Variants in PLA2G6 observed in about 807,000 individuals in gnomAD.
The protein encoded by PLA2G6 is 85/88 kDa calcium-independent phospholipase A2.
Under a neutral mutation model 83.8 loss-of-function variants are expected in PLA2G6, and 62 were observed. The observed-to-expected ratio is 0.74, with a 90% CI of 0.60 to 0.91. The LOEUF (loss-of-function observed/expected upper bound fraction) is 0.91, where lower values mean the gene tolerates loss of function less well. Ranked by LOEUF, PLA2G6 falls within the 40% of genes least tolerant of loss-of-function variation. The pLI is 0.00. For missense variants in PLA2G6, 944 were observed against 1,102.0 expected (o/e 0.86, Z 2.03); for synonymous variants, 417 against 449.8 (o/e 0.93, Z 0.92).
At chr22:38,115,843 G>C (rs2087158141) in intron 13 of PLA2G6, 162 bp from the exon 14 acceptor site, 5 of 1,474,852 alleles carry the variant, frequency 3.4e-6, no homozygotes, top group Non-Finnish European at 4.5e-6. Context: ...TCTCTGGCTA[G>C]TTCGTCCTGG....
intron 15 of PLA2G6, chr22:38,112,919 CTTTT>C (rs2086971427): frequency 4.4e-6 from 2 of 450,858 alleles, no homozygotes; most frequent in South Asian, 2.2e-5. Flanking sequence ...TTCTTTCTTT[CTTTT>C]TGAGACAAGG....
intron 2 of PLA2G6, among the ~76,000 whole-genome samples, chr22:38,166,049 T>C (rs132972): frequency 0.58 from 88,177 of 151,840 alleles, 26,089 homozygotes; most frequent in South Asian, 0.73. Flanking sequence ...ACGTGCACAA[T>C]GACTGTGGTC....
intron 14 of PLA2G6, chr22:38,113,983 C>T (rs759290679): frequency 1.7e-4 from 72 of 432,106 alleles, no homozygotes; most frequent in South Asian, 2.1e-4. Context: ...GAAAGGCAGA[C>T]GGTGTTCCTT....
At chr22:38,168,807 G>A (rs571064152) in intron 2 of PLA2G6, among the ~76,000 whole-genome samples, 6 of 152,140 alleles carry the variant, frequency 3.9e-5, no homozygotes, top group South Asian at 2.1e-4. Flanking sequence ...CCGAGATTGC[G>A]CCACTGCACT....
chr22:38,129,444 G>A lies in PLA2G6; in HGVS notation c.1186+10C>T, dbSNP rs921559500. The A allele has an allele frequency of 7.0e-6, 11 of 1,575,304 alleles. No homozygotes were observed. The highest frequency in any genetic ancestry group is 1.7e-5 in the Admixed American group (1 of 59,972). ...CACCCCACTCCAGCCCCAGAGTGCA[G>A]AGCACATACGTCTGCCGATTTTGGA... On this transcript the variant is annotated intron_variant, in intron 8 of 16. Transcript: ENST00000332509.
intron 4 of PLA2G6, 154 bp downstream of exon 4, chr22:38,142,951 A>C (rs2089007874): frequency 1.3e-6 from 1 of 770,694 alleles, no homozygotes; most frequent in African/African-American, 1.7e-5. Flanking sequence ...AGAGCCAGGG[A>C]GGGGTCTGCA....
chr22:38,152,570 C>T (rs187921782), intron 2 of PLA2G6, among the ~76,000 whole-genome samples: 1 of 151,102 alleles, frequency 6.6e-6, no homozygotes, highest in African/African-American at 2.4e-5. Flanking sequence ...TCCTTTCTTG[C>T]CATGTGACAC....
intron 8 of PLA2G6, 83 bp downstream of exon 8, chr22:38,129,371 G>A (rs1203048150): frequency 4.2e-6 from 4 of 961,476 alleles, no homozygotes; most frequent in Non-Finnish European, 6.8e-6. Flanking sequence ...GCTGGCACCT[G>A]ATGCCTGGGA....
intron 5 of PLA2G6, chr22:38,139,325 G>A (rs974287997): frequency 6.6e-6 from 1 of 152,132 alleles, no homozygotes. Context: ...GCTGGAAAGA[G>A]GAGACCCCAA....
At chr22:38,165,450 G>A (rs982588983) in intron 2 of PLA2G6, among the ~76,000 whole-genome samples, 3 of 152,216 alleles carry the variant, frequency 2.0e-5, no homozygotes, top group Admixed American at 6.5e-5. Context: ...AAAGAAAGGG[G>A]AGTATTCCAG....
intron 2 of PLA2G6, among the ~76,000 whole-genome samples, chr22:38,153,805 C>T (rs972504518): frequency 6.6e-6 from 1 of 152,156 alleles, no homozygotes; most frequent in Non-Finnish European, 1.5e-5. Context: ...TCTTGGGGTC[C>T]CAGATTCTAA....
chr22:38,132,350 A>G lies in PLA2G6; in HGVS notation c.1077+481T>C, dbSNP rs1602133527. On this transcript the variant is annotated intron_variant, in intron 7 of 16. Transcript: ENST00000332509. The surrounding 1 kb of genome is among the most constrained non-coding windows in gnomAD (Gnocchi z 5.0). Reference sequence around the variant, plus strand: ...GCCTCCCAGGGAAGATGAGAGCAACACGCGGACCAGTGAAGGGAAGCAGGA... The same window carrying G: ...GCCTCCCAGGGAAGATGAGAGCAACGCGCGGACCAGTGAAGGGAAGCAGGA... 6.2e-6 allele frequency: 2 copies of G among 323,554 alleles called. No individual in the cohort carries two copies. Among genetic ancestry groups the G allele is most frequent in the East Asian group, 1.9e-4 (2 of 10,492 alleles). 20.0% of individuals were successfully genotyped at this position (323,554 alleles called of 1,614,324 possible).
In PLA2G6 at chr22:38,129,529, C is replaced by T. The variant is rs765156550; in HGVS notation, c.1111G>A (p.Val371Met). Reference sequence around the variant, plus strand: ...GGGGTGTCCACTTCTGCTCCGAACACGATGAGGGCCTTGATCATCTCCACG... The same window carrying T: ...GGGGTGTCCACTTCTGCTCCGAACATGATGAGGGCCTTGATCATCTCCACG... Reference protein sequence around the residue: ...DNVEMIKALIVFGAEVDTPND... With the variant: ...DNVEMIKALIMFGAEVDTPND... The change falls in exon 8 of 17, where the codon GTG becomes ATG. Residue 371 changes from valine (V) to methionine (M), a missense_variant. Physicochemically the swap from Val to Met is conservative, Grantham distance 21. Coordinates refer to ENST00000332509, the MANE Select transcript of PLA2G6 (RefSeq NM_003560.4). 13 of 1,613,962 alleles carry T rather than the reference C, an allele frequency of 8.1e-6. No individual in the cohort carries two copies. The highest frequency in any genetic ancestry group is 2.2e-5 in the East Asian group (1 of 44,882).
rs781644323 is a variant in PLA2G6 at position 38,123,076 on chromosome 22, C to T, written c.1591+19G>A. On this transcript the variant is annotated intron_variant, in intron 11 of 16. Coordinates refer to ENST00000332509, the MANE Select transcript of PLA2G6 (RefSeq NM_003560.4). The surrounding 1 kb of genome is among the most constrained non-coding windows in gnomAD (Gnocchi z 4.1). The stretch of plus-strand genomic sequence containing the variant: ...AGGTCTCAGCCCCGCCTGGCCCCAT[C>T]CCCAGGGGCCGCCCTCACTGTGCAG... The T allele has an allele frequency of 1.2e-5, 19 of 1,546,090 alleles. No homozygotes were observed. The highest frequency in any genetic ancestry group is 1.1e-4 in the South Asian group (9 of 83,950).
intron 2 of PLA2G6, among the ~76,000 whole-genome samples, chr22:38,166,383 A>G (rs1174951198): frequency 6.6e-6 from 1 of 152,212 alleles, no homozygotes; most frequent in Non-Finnish European, 1.5e-5. Flanking sequence ...AGAAGATAAA[A>G]AAGACTCCAG....
intron 2 of PLA2G6, among the ~76,000 whole-genome samples, chr22:38,166,027 G>C (rs1207110920): frequency 6.6e-6 from 1 of 152,244 alleles, no homozygotes; most frequent in African/African-American, 2.4e-5. Flanking sequence ...CACAGCCGGA[G>C]CAGCAGGAGA....
chr22:38,156,694 C>T (rs2089795094), intron 2 of PLA2G6, among the ~76,000 whole-genome samples: 1 of 152,146 alleles, frequency 6.6e-6, no homozygotes, highest in African/African-American at 2.4e-5. Context: ...ACCTCGTGAT[C>T]TGCCTGCCTC....
chr22:38,114,849 A>G (rs1162739559), intron 14 of PLA2G6, among the ~76,000 whole-genome samples: 1 of 152,150 alleles, frequency 6.6e-6, no homozygotes, highest in Non-Finnish European at 1.5e-5. Context: ...TGATGGCCCC[A>G]TTAGGTAGCT....
At chr22:38,172,010 G>A (rs1243589260) in intron 1 of PLA2G6, among the ~76,000 whole-genome samples, 3 of 151,876 alleles carry the variant, frequency 2.0e-5, no homozygotes, top group African/African-American at 7.3e-5. Context: ...CTCTCTCCTT[G>A]CTCTGGGCTC....
Sources: allele counts gnomAD v4.1 joint callset (sites outside exome capture counted in the v4.1 genomes callset), GRCh38; gene constraint gnomAD v4.1.1; non-coding constraint Gnocchi (gnomAD v3.1); transcripts MANE v1.5; gene names NCBI Gene and HGNC (gene_info 2026-07-23, HGNC 2026-07-21).